MAPK10: variants seen among roughly 807,000 people sequenced by gnomAD.
The protein encoded by MAPK10 is JNK3 alpha protein kinase.
Under a neutral mutation model 59.3 loss-of-function variants are expected in MAPK10, and 25 were observed. That is an observed-to-expected ratio of 0.42 (90% confidence interval 0.31 to 0.59). The LOEUF is 0.59. MAPK10 is among the 20% of genes least tolerant of loss of function. MAPK10 has a pLI of 0.15. For synonymous variants in MAPK10, 190 were observed against 200.5 expected (o/e 0.95, Z 0.44); for missense variants, 351 against 568.9 (o/e 0.62, Z 3.90).
intron 2 of MAPK10, among the ~76,000 whole-genome samples, chr4:86,323,278 C>T (rs1015980937): frequency 6.6e-6 from 1 of 152,158 alleles, no homozygotes; most frequent in Non-Finnish European, 1.5e-5. Flanking sequence ...TCCTTACAGT[C>T]CATTTGAAGC....
intron 3 of MAPK10, among the ~76,000 whole-genome samples, chr4:86,187,526 G>A (rs2078543133): frequency 6.6e-6 from 1 of 152,106 alleles, no homozygotes; most frequent in Non-Finnish European, 1.5e-5. Flanking sequence ...ACAGTTAACA[G>A]TAGGTGACTG....
At chr4:86,455,956 T>C (rs141382486), upstream of MAPK10, among the ~76,000 whole-genome samples, 920 of 152,170 alleles carry the variant, frequency 6.0e-3, 7 homozygotes, top group African/African-American at 0.02. Flanking sequence ...GTATCAAGCA[T>C]TCTCTCAGAC....
At chr4:86,456,315 A>G (rs1319855898), upstream of MAPK10, among the ~76,000 whole-genome samples, 1 of 152,184 alleles carries the variant, frequency 6.6e-6, no homozygotes, top group African/African-American at 2.4e-5. Context: ...GATTCAGAGC[A>G]GAACTAAATG....
At chr4:86,437,028 C>T (rs556987576) in intron 1 of MAPK10, among the ~76,000 whole-genome samples, 12 of 152,058 alleles carry the variant, frequency 7.9e-5, no homozygotes, top group Middle Eastern at 3.4e-3. Context: ...CTGGCTAACA[C>T]GGTGAAACCA....
chr4:86,094,684 G>A (rs1468550411), intron 9 of MAPK10, among the ~76,000 whole-genome samples: 8 of 151,850 alleles, frequency 5.3e-5, no homozygotes, highest in African/African-American at 1.7e-4. Context: ...TGGGGTGGTG[G>A]AGGCAGTGAA....
At chr4:86,377,077 A>G (rs961685377) in intron 1 of MAPK10, among the ~76,000 whole-genome samples, 2 of 152,200 alleles carry the variant, frequency 1.3e-5, no homozygotes, top group Non-Finnish European at 2.9e-5. Flanking sequence ...GGCTCATCCA[A>G]ATTCTACAGC....
chr4:86,521,430 G>T (rs1397343221), intron 1 of MAPK10, among the ~76,000 whole-genome samples: 1 of 152,160 alleles, frequency 6.6e-6, no homozygotes, highest in Non-Finnish European at 1.5e-5. Flanking sequence ...TCAGGGCAGG[G>T]TTAGGTGGGT....
At chr4:86,041,925 A>G (rs1401932614) in intron 11 of MAPK10, among the ~76,000 whole-genome samples, 1 of 152,228 alleles carries the variant, frequency 6.6e-6, no homozygotes, top group Non-Finnish European at 1.5e-5. Flanking sequence ...TCAAAGATCT[A>G]GAACCAGAAA....
chr4:86,149,378 C>T (rs924630016), intron 4 of MAPK10, among the ~76,000 whole-genome samples: 4 of 152,074 alleles, frequency 2.6e-5, no homozygotes, highest in Admixed American at 6.6e-5. Context: ...GCGATTCTCC[C>T]GCCTCAGCCC....
At chr4:86,140,797 G>A (rs1008454371) in intron 4 of MAPK10, among the ~76,000 whole-genome samples, 2 of 151,662 alleles carry the variant, frequency 1.3e-5, no homozygotes, top group South Asian at 4.2e-4. Context: ...ACACACACAC[G>A]CATGCACGCA....
At chr4:86,290,325 C>G (rs1293749985) in intron 2 of MAPK10, among the ~76,000 whole-genome samples, 1 of 152,212 alleles carries the variant, frequency 6.6e-6, no homozygotes, top group Non-Finnish European at 1.5e-5. Context: ...GAACTGAGAT[C>G]TGACTACTGG....
chr4:86,566,394 G>C (rs1034027186), intron 1 of MAPK10, among the ~76,000 whole-genome samples: 2 of 152,142 alleles, frequency 1.3e-5, no homozygotes, highest in African/African-American at 4.8e-5. Flanking sequence ...GAAGCATCCT[G>C]TTTCCTTCCT....
chr4:86,487,362 A>AGAGTGTGTGTGTGT (rs1554272299), intron 1 of MAPK10, among the ~76,000 whole-genome samples: 9 of 148,832 alleles, frequency 6.0e-5, no homozygotes, highest in Admixed American at 1.3e-4. Context: ...AGAGAGAGAG[A>AGAGTGTGTGTGTGT]GTGTGTGTGT....
At chr4:86,251,401 C>T (rs1273408977) in intron 2 of MAPK10, among the ~76,000 whole-genome samples, 2 of 150,804 alleles carry the variant, frequency 1.3e-5, no homozygotes, top group Admixed American at 1.3e-4. Context: ...GTTCAATCCC[C>T]ACCTATGAGT....
chr4:86,564,579 G>A (rs1760922830), intron 1 of MAPK10, among the ~76,000 whole-genome samples: 1 of 152,152 alleles, frequency 6.6e-6, no homozygotes, highest in South Asian at 2.1e-4. Context: ...ATGGAGACAT[G>A]CACAGACACC....
At chr4:86,558,568 C>T (rs898976337) in intron 1 of MAPK10, among the ~76,000 whole-genome samples, 2 of 152,080 alleles carry the variant, frequency 1.3e-5, no homozygotes, top group African/African-American at 4.8e-5. Flanking sequence ...ATGTTGTTGG[C>T]GTCTTCATTT....
intron 1 of MAPK10, among the ~76,000 whole-genome samples, chr4:86,581,899 T>TATA: frequency 2.2e-5 from 2 of 91,586 alleles, no homozygotes; most frequent in African/African-American, 9.6e-5. Context: ...GCTATATATA[T>TATA]TATATATATA....
intron 1 of MAPK10, among the ~76,000 whole-genome samples, chr4:86,365,702 C>A (rs766986406): frequency 1.3e-5 from 2 of 151,986 alleles, no homozygotes; most frequent in Non-Finnish European, 2.9e-5. Flanking sequence ...AAGCAGGTAA[C>A]CTCTGTTACA....
intron 11 of MAPK10, among the ~76,000 whole-genome samples, chr4:86,045,848 C>A (rs113705815): frequency 6.6e-6 from 1 of 151,348 alleles, no homozygotes; most frequent in Non-Finnish European, 1.5e-5. Flanking sequence ...TGGATAATTT[C>A]TTTTTTAGCC....
Sources: allele counts gnomAD v4.1 joint callset (sites outside exome capture counted in the v4.1 genomes callset), GRCh38; gene constraint gnomAD v4.1.1; transcripts MANE v1.5; gene names NCBI Gene and HGNC (gene_info 2026-07-23, HGNC 2026-07-21).